SLC35E2B: variants seen among roughly 807,000 people sequenced by gnomAD.
The protein encoded by SLC35E2B is solute carrier family 35, member E2B.
SLC35E2B carries 18 observed loss-of-function variants against 32.4 expected under a neutral mutation model. The observed-to-expected ratio is 0.56, with a 90% CI of 0.38 to 0.82. The LOEUF (loss-of-function observed/expected upper bound fraction) is 0.82, where lower values mean the gene tolerates loss of function less well. Ranked by LOEUF, SLC35E2B falls within the 40% of genes least tolerant of loss-of-function variation. The pLI, the probability that SLC35E2B is intolerant of heterozygous loss-of-function variation, is 0.00. For synonymous variants in SLC35E2B, 132 were observed against 209.1 expected (o/e 0.63, Z 3.18); for missense variants, 263 against 469.5 (o/e 0.56, Z 4.06).
At chr1:1,670,991 G>C (rs765386385) in intron 6 of SLC35E2B, 6 of 152,190 alleles carry the variant, frequency 3.9e-5, no homozygotes. Context: ...CTTCTCTACC[G>C]AGTGACAAAG....
At chr1:1,673,091 C>T (rs148671634) in intron 5 of SLC35E2B, 3 of 166,224 alleles carry the variant, frequency 1.8e-5, no homozygotes, top group East Asian at 1.8e-4. Context: ...TTTTTAAAGC[C>T]GGACACGGCG....
At position 1,665,936 on chromosome 1, in the gene SLC35E2B, A is replaced by G. The variant is rs1570307296; in HGVS notation, c.1064T>C (p.Val355Ala). 1 of 1,551,426 alleles carries G rather than the reference A, an allele frequency of 6.4e-7. No individual in the cohort carries two copies. Among genetic ancestry groups the G allele is most frequent in the South Asian group, 1.2e-5 (1 of 84,056 alleles). Residue 355 changes from valine (V) to alanine (A), a missense_variant, in exon 10 of 10, where the codon GTT (valine) becomes GCT (alanine). Transcript: ENST00000617444. ...FGNKITSLSAVGTALVTVGVL... is the reference protein window; with the variant it reads ...FGNKITSLSAAGTALVTVGVL... ...CCCAACGGTCACCAGGGCTGTGCCA[A>G]CGGCCGACAAGCTGGTGATCTTGTT...
chr1:1,666,021 TGCGGAGGCAA>T lies in SLC35E2B; in HGVS notation c.981-12_981-3del. ...GCATGTTTCACGGTGCTGGCGACGC[TGCGGAGGCAA>T]GGGGAGGCAGCAGGGGCGCTCAGGG... On this transcript the variant is annotated splice_region_variant and splice_polypyrimidine_tract_variant and intron_variant, in intron 9 of 9. Coordinates refer to ENST00000617444, the MANE Select transcript of SLC35E2B (RefSeq NM_001290264.2). 6.5e-7 allele frequency: 1 copy of T among 1,549,468 alleles called. No homozygotes were observed. Among genetic ancestry groups the T allele is most frequent in the Non-Finnish European group, 8.7e-7 (1 of 1,145,508 alleles).
At position 1,692,750 on chromosome 1, in the gene SLC35E2B, C is replaced by CCACAACGCCCCCGCGGCT. The variant is rs1161477421; in HGVS notation, c.-885_-868dup. ...CGGAGCCGGGGAAACGCGCCGCGGCCCACAACGCCCCCGCGGCTGCCCGTT... is the reference window on the plus strand; with the variant it reads ...CGGAGCCGGGGAAACGCGCCGCGGCCCACAACGCCCCCGCGGCTCACAACGCCCCCGCGGCTGCCCGTT... On this transcript the variant is annotated 5_prime_UTR_variant, in exon 1 of 10. Transcript: ENST00000617444. 1 of 984,146 alleles carries CCACAACGCCCCCGCGGCT rather than the reference C, an allele frequency of 1.0e-6. No homozygotes were observed. Among genetic ancestry groups the CCACAACGCCCCCGCGGCT allele is most frequent in the African/African-American group, 1.8e-5 (1 of 56,820 alleles). The allele number at this position is 984,146 out of a possible 1,614,324, so 61.0% of individuals were successfully genotyped here.
At chr1:1,669,357 T>C (rs79480490) in intron 8 of SLC35E2B, among the ~76,000 whole-genome samples, 2 of 149,142 alleles carry the variant, frequency 1.3e-5, no homozygotes, top group African/African-American at 2.5e-5. Context: ...AGACTCTTTA[T>C]AAAAATAAAA....
chr1:1,683,242 C>G (rs954180553), intron 2 of SLC35E2B, among the ~76,000 whole-genome samples: 2 of 152,166 alleles, frequency 1.3e-5, no homozygotes, highest in Admixed American at 1.3e-4. Context: ...AATTCCCTCC[C>G]GAAGCCGTCC....
intron 2 of SLC35E2B, among the ~76,000 whole-genome samples, chr1:1,681,369 G>GTT (rs1349101107): frequency 6.8e-6 from 1 of 146,116 alleles, no homozygotes; most frequent in Non-Finnish European, 1.5e-5. Context: ...GGCTAATTTT[G>GTT]TTTTTTTTTG....
chr1:1,671,488 C>A (rs1271038374), intron 6 of SLC35E2B, 21 bp downstream of exon 6: 7 of 1,472,540 alleles, frequency 4.8e-6, no homozygotes, highest in Non-Finnish European at 6.4e-6. Flanking sequence ...CCCCCTCACG[C>A]CCACCTTCTC....
chr1:1,671,375 T>G, intron 6 of SLC35E2B, 134 bp downstream of exon 6: 1 of 1,046,466 alleles, frequency 9.6e-7, no homozygotes, highest in South Asian at 3.5e-5. Flanking sequence ...TTTTGCTCTT[T>G]AGGAAAGGGC....
intron 9 of SLC35E2B, among the ~76,000 whole-genome samples, chr1:1,666,490 A>G (rs1267200497): frequency 6.6e-6 from 1 of 152,126 alleles, no homozygotes; most frequent in Non-Finnish European, 1.5e-5. Flanking sequence ...CCTCCCACAG[A>G]GCTGGGATCA....
rs114530211 is a variant in SLC35E2B at position 1,665,050 on chromosome 1, C to G, written c.*732G>C. On this transcript the variant is annotated 3_prime_UTR_variant, in exon 10 of 10. Transcript: ENST00000617444. ...AGGAGGGCAGGGTGCCCTGGGGTTG[C>G]GGGGAGCTCACGCAGCCCAGGGTGT... is the stretch of plus-strand genomic sequence containing the variant. 1.2e-6 allele frequency: 1 copy of G among 846,896 alleles called. No individual in the cohort carries two copies. The highest frequency in any genetic ancestry group is 1.4e-6 in the Non-Finnish European group (1 of 703,680). The allele number at this position is 846,896 out of a possible 1,614,324, so 52.5% of individuals were successfully genotyped here.
chr1:1,678,670 C>T (rs1413975099), intron 2 of SLC35E2B, among the ~76,000 whole-genome samples: 3 of 152,152 alleles, frequency 2.0e-5, no homozygotes, highest in Non-Finnish European at 4.4e-5. Flanking sequence ...AAGGACTCAT[C>T]CACTCCTCGG....
At chr1:1,684,333 A>G (rs1158161165) in intron 2 of SLC35E2B, among the ~76,000 whole-genome samples, 1 of 152,176 alleles carries the variant, frequency 6.6e-6, no homozygotes, top group Non-Finnish European at 1.5e-5. Context: ...AGTGAGAGAG[A>G]GGACGGCTGT....
In SLC35E2B at chr1:1,692,501, T is replaced by G. The variant is rs1257029606; in HGVS notation, c.-618A>C. 2.3e-5 allele frequency: 23 copies of G among 985,120 alleles called. No individual in the cohort carries two copies. The highest frequency in any genetic ancestry group is 2.7e-5 in the Non-Finnish European group (22 of 830,032). The allele number at this position is 985,120 out of a possible 1,614,324, so 61.0% of individuals were successfully genotyped here. On this transcript the variant is annotated 5_prime_UTR_variant, in exon 1 of 10. Transcript: ENST00000617444. ...GGCATAGCGCTAGGCCCCGGCGCCT[T>G]CACAACAAAGGGACGCTGGCGGGCG... is the stretch of plus-strand genomic sequence containing the variant.
intron 2 of SLC35E2B, among the ~76,000 whole-genome samples, chr1:1,682,330 T>C (rs1643906831): frequency 6.6e-6 from 1 of 152,142 alleles, no homozygotes; most frequent in Admixed American, 6.5e-5. Context: ...TTAATGAGCA[T>C]TTTTTGTTAG....
At chr1:1,682,385 G>A (rs954573079) in intron 2 of SLC35E2B, among the ~76,000 whole-genome samples, 6 of 152,088 alleles carry the variant, frequency 3.9e-5, no homozygotes, top group Non-Finnish European at 7.4e-5. Flanking sequence ...GCCAACCTAC[G>A]TGCCTGTCAA....
rs114530211 is a variant in SLC35E2B, at chr1:1,665,050, C to T, written c.*732G>A. On this transcript the variant is annotated 3_prime_UTR_variant, in exon 10 of 10. Coordinates refer to ENST00000617444, the MANE Select transcript of SLC35E2B (RefSeq NM_001290264.2). Reference sequence around the variant, plus strand: ...AGGAGGGCAGGGTGCCCTGGGGTTGCGGGGAGCTCACGCAGCCCAGGGTGT... The same window carrying T: ...AGGAGGGCAGGGTGCCCTGGGGTTGTGGGGAGCTCACGCAGCCCAGGGTGT... 1,204 of 846,878 alleles carry T rather than the reference C, an allele frequency of 1.4e-3. 11 individuals are homozygous for T. The African/African-American group carries it at 0.02, about 14-fold the overall frequency. 52.5% of individuals were successfully genotyped at this position (846,878 alleles called of 1,614,324 possible). A position where few individuals can be genotyped will look rare whatever the true frequency, so the allele number is the denominator to read the frequency against.
Position 1,663,690 on chromosome 1 carries a change from C to T in SLC35E2B, c.*2092G>A, listed in dbSNP as rs1476623319. The T allele has an allele frequency of 4.8e-5, 15 of 312,566 alleles. 2 individuals are homozygous for T. The highest frequency in any genetic ancestry group is 1.7e-4 in the East Asian group (1 of 6,026). 19.4% of individuals were successfully genotyped at this position (312,566 alleles called of 1,614,324 possible). ...TTCATCATGTTGGCCAGGCTGGTCT[C>T]GAACTCCTGGCCTTGTGATCCGCCA... On this transcript the variant is annotated 3_prime_UTR_variant, in exon 10 of 10. Coordinates refer to ENST00000617444, the MANE Select transcript of SLC35E2B (RefSeq NM_001290264.2).
intron 8 of SLC35E2B, 113 bp from the exon 9 acceptor site, chr1:1,668,585 T>C: frequency 1.9e-6 from 3 of 1,595,544 alleles, no homozygotes; most frequent in Non-Finnish European, 2.6e-6. Flanking sequence ...CTGCTGCCAC[T>C]GAGGACAGCC....
Sources: gnomAD v4.1 joint callset for allele counts (sites outside exome capture counted in the v4.1 genomes callset) on GRCh38, gnomAD v4.1.1 for gene constraint, MANE v1.5 for transcripts, NCBI Gene and HGNC (gene_info 2026-07-23, HGNC 2026-07-21) for gene names.